PTGER4: variants seen among roughly 807,000 people sequenced by gnomAD.
PTGER4 encodes prostaglandin E2 receptor EP4 subtype.
A neutral mutation model predicts 33.2 loss-of-function variants in PTGER4; 11 were observed. That is an observed-to-expected ratio of 0.33 (90% CI 0.21 to 0.55). The LOEUF (loss-of-function observed/expected upper bound fraction) is 0.55, where lower values mean the gene tolerates loss of function less well. Among genes scored for constraint, PTGER4 ranks in the 20% least tolerant of loss-of-function variants. PTGER4 has a pLI of 0.92. For synonymous variants in PTGER4, 275 were observed against 281.5 expected, an observed-to-expected ratio of 0.98 and a Z score of 0.23; for missense variants, 481 against 650.2, an observed-to-expected ratio of 0.74 and a Z score of 2.83.
Position 40,693,223 on chromosome 5 carries a change from A to G in PTGER4, c.*845A>G. Reference sequence around the variant, plus strand: ...CCTAACATGCTGGTGAATATTTTCAACTTTTTCCCTCACTAATTGGTACTT... The same window carrying G: ...CCTAACATGCTGGTGAATATTTTCAGCTTTTTCCCTCACTAATTGGTACTT... On this transcript the variant is annotated 3_prime_UTR_variant, in exon 3 of 3. Transcript: ENST00000302472. 1.0e-6 allele frequency: 1 copy of G among 984,350 alleles called. No individual in the cohort carries two copies. The highest frequency in any genetic ancestry group is 1.2e-6 in the Non-Finnish European group (1 of 828,546). 61.0% of individuals were successfully genotyped at this position (984,350 alleles called of 1,614,324 possible).
the PTGER4 span, among the ~76,000 whole-genome samples, chr5:40,741,139 C>T: frequency 6.6e-6 from 1 of 152,176 alleles, no homozygotes; most frequent in Non-Finnish European, 1.5e-5. Context: ...TGATTAGATG[C>T]TGAATATTTT....
chr5:40,735,625 C>A, the PTGER4 span, among the ~76,000 whole-genome samples: 1 of 152,064 alleles, frequency 6.6e-6, no homozygotes, highest in Non-Finnish European at 1.5e-5. Flanking sequence ...GTTAAGCTGG[C>A]AACAGCTCCA....
At chr5:40,733,379 AT>A in the PTGER4 span, among the ~76,000 whole-genome samples, 1 of 152,178 alleles carries the variant, frequency 6.6e-6, no homozygotes, top group Non-Finnish European at 1.5e-5. Flanking sequence ...CTATTACTGT[AT>A]CCCAAAATAA....
At chr5:40,726,636 G>A in the PTGER4 span, among the ~76,000 whole-genome samples, 1 of 151,156 alleles carries the variant, frequency 6.6e-6, no homozygotes, top group Non-Finnish European at 1.5e-5. Context: ...AAGTCGAACT[G>A]GTACTCTTAT....
In PTGER4 at chr5:40,681,637, G is replaced by T. The variant is rs1741193122; in HGVS notation, c.644G>T (p.Arg215Leu). 7.5e-6 allele frequency: 12 copies of T among 1,601,226 alleles called. No homozygotes were observed. Among genetic ancestry groups the T allele is most frequent in the Non-Finnish European group, 1.0e-5 (12 of 1,178,596 alleles). ...TGCGGCGCGCTGCTCCGCATGCACC[G>T]CCAGTTCATGCGCCGCACCTCGCTG... ...LVCGALLRMH[R>L]QFMRRTSLGT... Residue 215 changes from arginine (R) to leucine (L), a missense_variant, in exon 2 of 3, where the codon CGC becomes CTC. Transcript: ENST00000302472. This position sits in a 1 kb window ranked among gnomAD's most constrained non-coding sequence, Gnocchi z 9.8.
At chr5:40,697,286 GAAAGAAAGAAAA>G (rs2063996848), downstream of PTGER4, among the ~76,000 whole-genome samples, 6 of 131,196 alleles carry the variant, frequency 4.6e-5, no homozygotes, top group South Asian at 1.3e-3. Context: ...AAGAAAGAAA[GAAAGAAAGAAAA>G]AGAAAGGCCA....
the PTGER4 span, chr5:40,714,380 T>C: frequency 6.6e-6 from 1 of 152,194 alleles, no homozygotes; most frequent in African/African-American, 2.4e-5. Context: ...TGCAAGGTAC[T>C]TTAAATATAT....
In PTGER4 at chr5:40,692,654, A is replaced by G. The variant is rs948160990; in HGVS notation, c.*276A>G. ...CCTACCCTCCGTTTTTCTACTAGAT[A>G]GGAGGATGGTAGAAGTTTGGCTGCT... is the stretch of plus-strand genomic sequence containing the variant. On this transcript the variant is annotated 3_prime_UTR_variant, in exon 3 of 3. Transcript: ENST00000302472. 8.7e-7 allele frequency: 1 copy of G among 1,152,012 alleles called. No individual in the cohort carries two copies. The highest frequency in any genetic ancestry group is 1.6e-5 in the African/African-American group (1 of 62,832). 71.4% of individuals were successfully genotyped at this position (1,152,012 alleles called of 1,614,324 possible).
the PTGER4 span, among the ~76,000 whole-genome samples, chr5:40,726,800 G>C: frequency 6.6e-6 from 1 of 152,018 alleles, no homozygotes; most frequent in Non-Finnish European, 1.5e-5. Context: ...ATTGGCAAAA[G>C]AGATAGTGAT....
the PTGER4 span, among the ~76,000 whole-genome samples, chr5:40,741,493 C>T: frequency 6.6e-6 from 1 of 152,208 alleles, no homozygotes; most frequent in Non-Finnish European, 1.5e-5. Context: ...TAATGTTCAA[C>T]AAAGACTCAA....
the PTGER4 span, among the ~76,000 whole-genome samples, chr5:40,707,335 G>C: frequency 3.9e-5 from 6 of 152,036 alleles, no homozygotes; most frequent in Non-Finnish European, 7.4e-5. Flanking sequence ...GACGGAGGAA[G>C]ATCTACCAAG....
chr5:40,713,695 T>C, the PTGER4 span, among the ~76,000 whole-genome samples: 1 of 152,200 alleles, frequency 6.6e-6, no homozygotes, highest in Non-Finnish European at 1.5e-5. Context: ...GCCATACAAT[T>C]CTCAAACAAG....
At chr5:40,717,750 C>A in the PTGER4 span, among the ~76,000 whole-genome samples, 3 of 152,158 alleles carry the variant, frequency 2.0e-5, no homozygotes, top group African/African-American at 7.2e-5. Flanking sequence ...GATTCTCATG[C>A]AAACAGATTA....
chr5:40,698,745 T>A, the PTGER4 span, among the ~76,000 whole-genome samples: 1 of 152,162 alleles, frequency 6.6e-6, no homozygotes, highest in African/African-American at 2.4e-5. Flanking sequence ...GACAACTAAT[T>A]ATTTTGAAAA....
the PTGER4 span, among the ~76,000 whole-genome samples, chr5:40,721,605 C>G: frequency 3.0e-3 from 451 of 152,176 alleles, 5 homozygotes; most frequent in African/African-American, 0.01. Context: ...CAAAAGTCAA[C>G]TCCAAGTGCA....
At chr5:40,709,986 T>G in the PTGER4 span, among the ~76,000 whole-genome samples, 1 of 152,160 alleles carries the variant, frequency 6.6e-6, no homozygotes, top group African/African-American at 2.4e-5. Context: ...GAAGAAAACC[T>G]AGGCAATACC....
chr5:40,688,660 G>A (rs139418411), intron 2 of PTGER4, among the ~76,000 whole-genome samples: 14 of 152,294 alleles, frequency 9.2e-5, no homozygotes, highest in Non-Finnish European at 1.8e-4. Context: ...CTGAGAAAAG[G>A]CCTGTAGAGT....
At chr5:40,720,288 C>T in the PTGER4 span, among the ~76,000 whole-genome samples, 1 of 152,182 alleles carries the variant, frequency 6.6e-6, no homozygotes, top group Non-Finnish European at 1.5e-5. Context: ...TGCCTCAGCA[C>T]CATTTGCTGA....
the PTGER4 span, chr5:40,730,151 G>T: frequency 1.3e-6 from 1 of 782,308 alleles, no homozygotes; most frequent in African/African-American, 1.7e-5. Flanking sequence ...CAAAGAAACC[G>T]TATTTGTAAA....
Sources: allele counts gnomAD v4.1 joint callset (sites outside exome capture counted in the v4.1 genomes callset), GRCh38; gene constraint gnomAD v4.1.1; non-coding constraint Gnocchi (gnomAD v3.1); transcripts MANE v1.5; gene names NCBI Gene and HGNC (gene_info 2026-07-23, HGNC 2026-07-21).